Variants in ATAD2B observed in about 807,000 individuals in gnomAD.
The protein encoded by ATAD2B is ATPase family AAA domain-containing protein 2B.
A neutral mutation model predicts 167.6 loss-of-function variants in ATAD2B; 40 were observed. The observed-to-expected ratio is 0.24, with a 90% confidence interval of 0.19 to 0.31. The LOEUF (loss-of-function observed/expected upper bound fraction) is 0.31, where lower values mean the gene tolerates loss of function less well. ATAD2B is among the 10% of genes least tolerant of loss of function. The pLI is 1.00. For synonymous variants in ATAD2B, 579 were observed against 596.5 expected, an observed-to-expected ratio of 0.97 and a Z score of 0.43; for missense variants, 1,242 against 1,757.2, an observed-to-expected ratio of 0.71 and a Z score of 5.24.
At chr2:23,916,239 G>C (rs1703026195) in intron 1 of ATAD2B, among the ~76,000 whole-genome samples, 2 of 152,128 alleles carry the variant, frequency 1.3e-5, no homozygotes, top group African/African-American at 4.8e-5. Context: ...ATCTTGTCAA[G>C]GGTCAAATTT....
rs543568710 is a variant in ATAD2B at position 23,809,752 on chromosome 2, A to G, written c.2454+564T>C. 2.0e-5 allele frequency among the ~76,000 whole-genome samples: 3 copies of G among 152,334 alleles called. No homozygotes were observed. In the South Asian group the frequency reaches 6.2e-4, roughly 32 times the overall value. ...ACCTCATCCCTAGTTTCAATATGAC[A>G]TAATATATCCATGGTTATATATAAC... On this transcript the variant is annotated intron_variant, in intron 18 of 27. Transcript: ENST00000238789.
intron 12 of ATAD2B, among the ~76,000 whole-genome samples, chr2:23,860,250 G>C (rs1246043087): frequency 1.3e-5 from 2 of 152,108 alleles, no homozygotes; most frequent in Non-Finnish European, 2.9e-5. Flanking sequence ...GTAAATTTCT[G>C]TTCATTCTAA....
At chr2:23,923,593 T>C (rs919867576) in intron 1 of ATAD2B, among the ~76,000 whole-genome samples, 3 of 149,138 alleles carry the variant, frequency 2.0e-5, no homozygotes, top group East Asian at 2.0e-4. Context: ...TTCACAAATA[T>C]ATACTTATCT....
At chr2:23,721,849 A>G in the ATAD2B span, among the ~76,000 whole-genome samples, 1 of 152,224 alleles carries the variant, frequency 6.6e-6, no homozygotes, top group Non-Finnish European at 1.5e-5. Context: ...CCCGACCCCA[A>G]GCTGGCTGTC....
chr2:23,896,001 A>G, intron 1 of ATAD2B, 31 bp from the exon 2 acceptor site: 1 of 1,549,180 alleles, frequency 6.5e-7, no homozygotes, highest in Non-Finnish European at 8.8e-7. Context: ...TGTATTTATT[A>G]TTCCTATTAA....
Position 23,751,051 on chromosome 2 carries a change from T to C in ATAD2B, c.*995A>G, listed in dbSNP as rs1675294601. On this transcript the variant is annotated 3_prime_UTR_variant, in exon 28 of 28. Coordinates refer to ENST00000238789, the MANE Select transcript of ATAD2B (RefSeq NM_017552.4). Reference sequence around the variant, plus strand: ...TAAAACAAAACAACAATTTACTACATATGAAAACCATTTTTCTCTGGGAAC... The same window carrying C: ...TAAAACAAAACAACAATTTACTACACATGAAAACCATTTTTCTCTGGGAAC... The C allele has an allele frequency of 6.6e-6, 1 of 152,124 alleles. No homozygotes were observed. The highest frequency in any genetic ancestry group is 1.5e-5 in the Non-Finnish European group (1 of 68,006). The allele number at this position is 152,124 out of a possible 1,614,324, so 9.4% of individuals were successfully genotyped here.
intron 13 of ATAD2B, among the ~76,000 whole-genome samples, chr2:23,844,305 A>G (rs1028566945): frequency 6.6e-6 from 1 of 152,120 alleles, no homozygotes; most frequent in African/African-American, 2.4e-5. Context: ...TGTGTCTCAA[A>G]AGGAAAAAAA....
intron 22 of ATAD2B, among the ~76,000 whole-genome samples, chr2:23,779,862 T>G (rs1480085375): frequency 7.2e-5 from 11 of 152,196 alleles, no homozygotes; most frequent in Non-Finnish European, 1.5e-4. Flanking sequence ...TATCCGTGGA[T>G]GGGGACGGAA....
At chr2:23,763,219 T>C (rs1294561105) in intron 23 of ATAD2B, among the ~76,000 whole-genome samples, 4 of 152,230 alleles carry the variant, frequency 2.6e-5, no homozygotes, top group Admixed American at 6.5e-5. Flanking sequence ...CCAGTTTTTA[T>C]TCTTCCTTCA....
chr2:23,795,168 A>G (rs185257135), intron 19 of ATAD2B, among the ~76,000 whole-genome samples: 84 of 152,358 alleles, frequency 5.5e-4, no homozygotes, highest in Middle Eastern at 3.4e-3. Context: ...TAAAGACAAT[A>G]AAAAACTAAA....
chr2:23,693,582 G>A, the ATAD2B span: 28 of 1,508,998 alleles, frequency 1.9e-5, no homozygotes, highest in East Asian at 3.0e-4. Flanking sequence ...GTCCCCCTGC[G>A]GCAATGGGGT....
At chr2:23,866,492 A>G (rs979754792) in intron 10 of ATAD2B, among the ~76,000 whole-genome samples, 1 of 152,246 alleles carries the variant, frequency 6.6e-6, no homozygotes, top group Non-Finnish European at 1.5e-5. Flanking sequence ...TGGACAGATG[A>G]AAATAAATGA....
chr2:23,701,475 G>C, the ATAD2B span, among the ~76,000 whole-genome samples: 1 of 152,186 alleles, frequency 6.6e-6, no homozygotes, highest in Non-Finnish European at 1.5e-5. Flanking sequence ...CACTTTAGGA[G>C]GCCAAGGTGG....
the ATAD2B span, among the ~76,000 whole-genome samples, chr2:23,717,192 C>T: frequency 2.0e-4 from 31 of 152,284 alleles, no homozygotes; most frequent in Non-Finnish European, 4.1e-4. Context: ...GACTGTGGTA[C>T]ACCTGTGTGA....
At position 23,844,445 on chromosome 2, in the gene ATAD2B, C is replaced by T. The variant is rs557856219; in HGVS notation, c.1569-10367G>A. Among the ~76,000 whole-genome samples the T allele has an allele frequency of 4.6e-5, 7 of 152,128 alleles. No individual in the cohort carries two copies. In the East Asian group the frequency reaches 7.7e-4, roughly 17 times the overall value. On this transcript the variant is annotated intron_variant, in intron 13 of 27. Coordinates refer to ENST00000238789, the MANE Select transcript of ATAD2B (RefSeq NM_017552.4). Reference sequence around the variant, plus strand: ...TGCAATGAAACAGGAAAACACAATCCGTAATGAGAAAAATCAATAAAATAA... The same window carrying T: ...TGCAATGAAACAGGAAAACACAATCTGTAATGAGAAAAATCAATAAAATAA...
intron 14 of ATAD2B, among the ~76,000 whole-genome samples, chr2:23,829,187 G>C (rs945337577): frequency 1.3e-5 from 2 of 152,200 alleles, no homozygotes; most frequent in African/African-American, 4.8e-5. Context: ...AATGTTGTGA[G>C]AGGTGAAGAA....
intron 13 of ATAD2B, 22 bp from the exon 14 acceptor site, chr2:23,834,100 AAATTAAAAG>A: frequency 6.7e-7 from 1 of 1,493,924 alleles, no homozygotes; most frequent in Non-Finnish European, 9.0e-7. Flanking sequence ...TTTTCAGGCA[AAATTAAAAG>A]AATTGTAAAC....
intron 1 of ATAD2B, 137 bp from the exon 2 acceptor site, chr2:23,896,107 G>A (rs1462396924): frequency 1.9e-6 from 1 of 517,192 alleles, no homozygotes; most frequent in African/African-American, 2.0e-5. Context: ...CTTGAGGTCA[G>A]GAGTTCAAGA....
At chr2:23,890,234 A>G (rs1219016608) in intron 2 of ATAD2B, among the ~76,000 whole-genome samples, 1 of 152,028 alleles carries the variant, frequency 6.6e-6, no homozygotes, top group African/African-American at 2.4e-5. Context: ...AATAAATAAT[A>G]AATAACAAAA....
Sources: allele counts gnomAD v4.1 joint callset (sites outside exome capture counted in the v4.1 genomes callset), GRCh38; gene constraint gnomAD v4.1.1; transcripts MANE v1.5; gene names NCBI Gene and HGNC (gene_info 2026-07-23, HGNC 2026-07-21).